Variants in CFAP92 observed in about 807,000 individuals in gnomAD.
CFAP92 encodes the protein uncharacterized protein CFAP92.
In CFAP92, 86 loss-of-function variants were observed where a neutral mutation model predicts 106.3. The observed-to-expected ratio is 0.81, with a 90% CI of 0.68 to 0.97. CFAP92 has a LOEUF of 0.97. Among genes scored for constraint, CFAP92 ranks in the 50% least tolerant of loss-of-function variants. The pLI is 0.00. For synonymous variants in CFAP92, 477 were observed against 506.4 expected, an observed-to-expected ratio of 0.94 and a Z score of 0.78; for missense variants, 1,204 against 1,283.8, an observed-to-expected ratio of 0.94 and a Z score of 0.95.
intron 3 of CFAP92, 148 bp downstream of exon 3, chr3:128,988,580 G>A: frequency 1.4e-6 from 1 of 725,158 alleles, no homozygotes; most frequent in South Asian, 1.9e-5. Flanking sequence ...GATCAGGCCA[G>A]TGCAGATTCC....
Position 128,915,392 on chromosome 3 carries a change from C to T in CFAP92, c.3088G>A (p.Asp1030Asn), listed in dbSNP as rs771877831. The T allele has an allele frequency of 6.5e-7, 1 of 1,536,138 alleles. No individual in the cohort carries two copies. The highest frequency in any genetic ancestry group is 1.4e-5 in the African/African-American group (1 of 73,178). The change falls in exon 14 of 16, where the codon GAT becomes AAT. Residue 1030 changes from aspartate to asparagine, a missense_variant. Physicochemically the swap from Asp to Asn is conservative, Grantham distance 23 (BLOSUM62 1). Transcript: ENST00000645291. ...LQSDTESSFQ[D>N]LKLPPIKELN... ...TCTTTGATGGGTGGCAGCTTGAGAT[C>T]CTGAAAGCTGCTTTCGGTGTCGCTC...
intron 9 of CFAP92, among the ~76,000 whole-genome samples, chr3:128,952,259 T>C (rs1319231006): frequency 6.6e-6 from 1 of 150,912 alleles, no homozygotes; most frequent in Non-Finnish European, 1.5e-5. Flanking sequence ...GCCTCTTGAA[T>C]AGCTGGGCTA....
At chr3:129,012,968 AAGAG>A in the CFAP92 span, among the ~76,000 whole-genome samples, 1 of 152,188 alleles carries the variant, frequency 6.6e-6, no homozygotes, top group Non-Finnish European at 1.5e-5. Context: ...GTCTCATCCA[AAGAG>A]AGAATCTCTT....
At chr3:128,916,717 T>C (rs987260746) in intron 12 of CFAP92, among the ~76,000 whole-genome samples, 2 of 152,104 alleles carry the variant, frequency 1.3e-5, no homozygotes, top group Non-Finnish European at 2.9e-5. Context: ...AGTAAGGAAA[T>C]GGGAACTCTT....
chr3:128,987,069 G>C (rs1466229793), intron 4 of CFAP92, among the ~76,000 whole-genome samples: 1 of 152,176 alleles, frequency 6.6e-6, no homozygotes, highest in East Asian at 1.9e-4. Context: ...GCTGAGGCAG[G>C]AGAATGGCTT....
chr3:129,021,420 G>A, the CFAP92 span, among the ~76,000 whole-genome samples: 1 of 152,148 alleles, frequency 6.6e-6, no homozygotes, highest in Non-Finnish European at 1.5e-5. Context: ...AACTCATGGT[G>A]CTTAAGCTGC....
At chr3:129,002,253 A>T (rs1267724547) in intron 1 of CFAP92, 1 of 1,530,984 alleles carries the variant, frequency 6.5e-7, no homozygotes, top group African/African-American at 1.4e-5. Context: ...GGAGAATAGC[A>T]GCTTGCGCGA....
chr3:128,998,763 C>G (rs1267626326), upstream of CFAP92, among the ~76,000 whole-genome samples: 1 of 152,178 alleles, frequency 6.6e-6, no homozygotes, highest in East Asian at 1.9e-4. Context: ...CACAGCCAAG[C>G]TGTTTACAAA....
At chr3:129,002,161 G>A (rs1022674399) in intron 1 of CFAP92, 28 of 1,470,792 alleles carry the variant, frequency 1.9e-5, no homozygotes, top group Non-Finnish European at 2.2e-5. Flanking sequence ...CGCCTGCGCC[G>A]TCCGCGCCGC....
upstream of CFAP92, chr3:129,003,329 G>A (rs1018036066): frequency 1.0e-6 from 1 of 973,718 alleles, no homozygotes; most frequent in African/African-American, 1.8e-5. Flanking sequence ...TTTGTTTTAG[G>A]CTCTGGGAAC....
chr3:128,914,521 T>TA (rs1936648106), intron 15 of CFAP92: 1 of 152,312 alleles, frequency 6.6e-6, no homozygotes, highest in Non-Finnish European at 1.5e-5. Context: ...ACCTTGTTTT[T>TA]AGATAGGCTC....
intron 7 of CFAP92, among the ~76,000 whole-genome samples, chr3:128,975,122 A>G (rs1943063419): frequency 6.6e-6 from 1 of 151,268 alleles, no homozygotes; most frequent in South Asian, 2.1e-4. Context: ...TCCATCTCAA[A>G]AAAAATAAAA....
chr3:128,965,819 A>T (rs1264850992), intron 8 of CFAP92, 124 bp from the exon 9 acceptor site: 2 of 165,348 alleles, frequency 1.2e-5, no homozygotes, highest in Admixed American at 1.3e-4. Flanking sequence ...AACTTTAATT[A>T]AAAAAAAAAA....
chr3:128,930,292 A>T (rs944237506), intron 12 of CFAP92, among the ~76,000 whole-genome samples: 7 of 152,050 alleles, frequency 4.6e-5, no homozygotes, highest in Non-Finnish European at 1.0e-4. Context: ...CTGGGACTAC[A>T]GGTGCCCGCC....
rs1170005440 is a variant in CFAP92, at chr3:128,977,009, G to C, written c.866C>G (p.Ser289Cys). ...CGTGGAAGAATCGTCCATTTTGAGG[G>C]ACTTCTCATATTCCTCACTGTTCTT... Reference protein sequence around the residue: ...SSKNSEEYEKSLKMDDSSTIQ... With the variant: ...SSKNSEEYEKCLKMDDSSTIQ... Residue 289 changes from serine to cysteine, a missense_variant, in exon 6 of 16, where the codon TCC becomes TGC. Coordinates refer to ENST00000645291, the MANE Select transcript of CFAP92 (RefSeq NM_001394090.1). 6.2e-7 allele frequency: 1 copy of C among 1,613,816 alleles called. No homozygotes were observed.
intron 12 of CFAP92, among the ~76,000 whole-genome samples, chr3:128,923,796 C>T (rs1937498371): frequency 6.6e-6 from 1 of 152,178 alleles, no homozygotes; most frequent in Non-Finnish European, 1.5e-5. Context: ...CTCTTAAATG[C>T]CATCTGGAGG....
At chr3:128,923,026 G>C (rs1321710592) in intron 12 of CFAP92, among the ~76,000 whole-genome samples, 1 of 152,278 alleles carries the variant, frequency 6.6e-6, no homozygotes, top group Non-Finnish European at 1.5e-5. Flanking sequence ...AGAGGCAGAA[G>C]CTGAGTTACA....
chr3:128,993,153 G>C lies in CFAP92; in HGVS notation c.152C>G (p.Pro51Arg). ...AGATGAGGACTCGATGCTGCTGCAC[G>C]GGCGGTCAGAGTCAGACTCCTGGGC... Reference protein sequence around the residue: ...ARAQESDSDRPCSSIESSSEP... With the variant: ...ARAQESDSDRRCSSIESSSEP... Residue 51 changes from proline to arginine, a missense_variant, in exon 2 of 16, where the codon CCG (proline) becomes CGG (arginine). Pro to Arg is a moderately radical substitution (Grantham distance 103, BLOSUM62 -2). Coordinates refer to ENST00000645291, the MANE Select transcript of CFAP92 (RefSeq NM_001394090.1). The C allele has an allele frequency of 6.2e-7, 1 of 1,614,066 alleles. No homozygotes were observed. The highest frequency in any genetic ancestry group is 8.5e-7 in the Non-Finnish European group (1 of 1,179,900).
chr3:128,935,220 G>A lies in CFAP92; in HGVS notation c.2358C>T (p.His786=), dbSNP rs551303817. ...LYGDLEAILY[H]VHLFQPTELL... Reference sequence around the variant, plus strand: ...GCTCCGTGGGCTGGAAGAGGTGCACGTGGTACAGGATGGCCTCCAGGTCCC... The same window carrying A: ...GCTCCGTGGGCTGGAAGAGGTGCACATGGTACAGGATGGCCTCCAGGTCCC... The change falls in exon 11 of 16, where the codon CAC becomes CAT. Residue 786 remains histidine (H), a synonymous_variant. Transcript: ENST00000645291. 2.1e-5 allele frequency: 33 copies of A among 1,536,028 alleles called. No homozygotes were observed. In the South Asian group the frequency reaches 2.3e-4, roughly 11 times the overall value.
Sources: allele counts gnomAD v4.1 joint callset (sites outside exome capture counted in the v4.1 genomes callset), GRCh38; gene constraint gnomAD v4.1.1; transcripts MANE v1.5; gene names NCBI Gene and HGNC (gene_info 2026-07-23, HGNC 2026-07-21).